The following THSD7A variants were observed in gnomAD, a reference collection of about 807,000 sequenced individuals.
THSD7A encodes the protein thrombospondin type 1 domain containing 7A, also known as thrombospondin type-1 domain-containing protein 7A.
Under a neutral mutation model 231.3 loss-of-function variants are expected in THSD7A, and 96 were observed. The ratio of observed to expected loss-of-function variants is 0.41; its 90% CI spans 0.35 to 0.49. THSD7A has a LOEUF of 0.49. Among genes scored for constraint, THSD7A ranks in the 20% least tolerant of loss-of-function variants. The pLI is 0.05. For missense variants in THSD7A, 2,290 were observed against 2,070.2 expected (o/e 1.11, Z -2.06); for synonymous variants, 940 against 743.3 (o/e 1.26, Z -4.30).
rs1583627274 is a variant in THSD7A, at chr7:11,375,719, A to G, written c.*75T>C. ...ATATATTTTAATCCACACAGTTTGG[A>G]TACATTTGTTGTGGCCTCTGGACAT... On this transcript the variant is annotated 3_prime_UTR_variant, in exon 28 of 28. Transcript: ENST00000423059. The G allele has an allele frequency of 8.5e-7, 1 of 1,176,496 alleles. No individual in the cohort carries two copies. Among genetic ancestry groups the G allele is most frequent in the East Asian group, 2.3e-5 (1 of 42,616 alleles). 72.9% of individuals were successfully genotyped at this position (1,176,496 alleles called of 1,614,324 possible). A position where few individuals can be genotyped will look rare whatever the true frequency, so the allele number is the denominator to read the frequency against.
intron 22 of THSD7A, among the ~76,000 whole-genome samples, chr7:11,405,728 T>G (rs893241689): frequency 7.9e-5 from 12 of 152,228 alleles, no homozygotes; most frequent in Non-Finnish European, 1.5e-4. Flanking sequence ...AATAATATCT[T>G]TCAATAGTTT....
intron 1 of THSD7A, among the ~76,000 whole-genome samples, chr7:11,662,398 T>C (rs1782960679): frequency 6.6e-6 from 1 of 151,330 alleles, no homozygotes; most frequent in South Asian, 2.1e-4. Context: ...ACATCTGATC[T>C]CAAACGTATT....
chr7:11,823,303 T>C (rs959431385), intron 1 of THSD7A, among the ~76,000 whole-genome samples: 2 of 152,134 alleles, frequency 1.3e-5, no homozygotes, highest in Non-Finnish European at 2.9e-5. Flanking sequence ...TTCTATTCCA[T>C]TGATCTATGC....
At chr7:11,511,464 C>T (rs1229629066) in intron 6 of THSD7A, among the ~76,000 whole-genome samples, 1 of 152,180 alleles carries the variant, frequency 6.6e-6, no homozygotes, top group Non-Finnish European at 1.5e-5. Flanking sequence ...AAAAAACAGC[C>T]CGCATTGCTA....
At position 11,683,934 on chromosome 7, in the gene THSD7A, A is replaced by C. The variant is rs145160973; in HGVS notation, c.191-46973T>G. Among the ~76,000 whole-genome samples, 141 of 152,086 alleles carry C rather than the reference A, an allele frequency of 9.3e-4. 1 individual carries two copies. The East Asian group carries it at 0.024, about 26-fold the overall frequency. ...GACACAATAACAACAACAACAACAA[A>C]AAACTACAGGCCAATATTCCTGATC... On this transcript the variant is annotated intron_variant, in intron 1 of 27. Transcript: ENST00000423059.
At chr7:11,579,966 T>C (rs1791085334) in intron 4 of THSD7A, among the ~76,000 whole-genome samples, 1 of 152,160 alleles carries the variant, frequency 6.6e-6, no homozygotes, top group Non-Finnish European at 1.5e-5. Context: ...GAGAAGCCCA[T>C]GAAGCTTAAG....
chr7:11,560,949 C>T (rs116086958), intron 4 of THSD7A, among the ~76,000 whole-genome samples: 1,636 of 152,260 alleles, frequency 0.011, 41 homozygotes, highest in African/African-American at 0.037. Context: ...CAGGAAATGT[C>T]ACACTGTTCC....
intron 4 of THSD7A, among the ~76,000 whole-genome samples, chr7:11,551,589 T>A (rs1322695782): frequency 6.6e-6 from 1 of 152,124 alleles, no homozygotes; most frequent in Admixed American, 6.5e-5. Flanking sequence ...AACAAACATA[T>A]GAAAAATTGC....
intron 4 of THSD7A, among the ~76,000 whole-genome samples, chr7:11,575,331 T>C (rs10236467): frequency 0.048 from 7,320 of 152,296 alleles, 274 homozygotes; most frequent in African/African-American, 0.1. Flanking sequence ...ATTTTTGCTA[T>C]GGGTTACAAG....
intron 1 of THSD7A, among the ~76,000 whole-genome samples, chr7:11,663,780 C>T (rs1783021947): frequency 6.6e-6 from 1 of 151,488 alleles, no homozygotes; most frequent in Admixed American, 6.6e-5. Context: ...AACTACTCAA[C>T]ATATATTGTT....
intron 4 of THSD7A, among the ~76,000 whole-genome samples, chr7:11,563,175 G>C (rs1306348048): frequency 6.8e-6 from 1 of 147,334 alleles, no homozygotes; most frequent in African/African-American, 2.5e-5. Flanking sequence ...TAATATAATG[G>C]TGACATAAAC....
intron 2 of THSD7A, among the ~76,000 whole-genome samples, chr7:11,604,833 G>C (rs1360748829): frequency 1.3e-5 from 2 of 152,120 alleles, no homozygotes; most frequent in African/African-American, 4.8e-5. Context: ...TGAGCAGACA[G>C]ATGCAGAAGT....
chr7:11,829,241 G>A (rs187161995), intron 1 of THSD7A, among the ~76,000 whole-genome samples: 223 of 152,110 alleles, frequency 1.5e-3, no homozygotes, highest in African/African-American at 5.3e-3. Context: ...TCTGTGCATT[G>A]TTCAAGGGTC....
At position 11,636,676 on chromosome 7, in the gene THSD7A, G is replaced by T; in HGVS notation, c.476C>A (p.Ala159Glu). The T allele has an allele frequency of 6.2e-7, 1 of 1,613,974 alleles. No homozygotes were observed. Residue 159 changes from alanine (A) to glutamate (E), a missense_variant, in exon 2 of 28, where the codon GCG (alanine) becomes GAG (glutamate). Ala to Glu is a moderately radical substitution (Grantham distance 107, BLOSUM62 -1). Transcript: ENST00000423059. This position sits in a 1 kb window ranked among gnomAD's most constrained non-coding sequence, Gnocchi z 10.0. ...AATGTCTTTGTCTTTCTGGATGCAC[G>T]CTATCTCCCTCACCTGAATACCTTC... Reference protein sequence around the residue: ...GEEGIQVREIACIQKDKDIPA... With the variant: ...GEEGIQVREIECIQKDKDIPA...
chr7:11,754,517 C>G (rs770881243), intron 1 of THSD7A, among the ~76,000 whole-genome samples: 5 of 152,054 alleles, frequency 3.3e-5, no homozygotes, highest in Non-Finnish European at 7.4e-5. Flanking sequence ...TAGCATGAAT[C>G]TTTCTTCTGC....
At chr7:11,788,609 T>C (rs763312852) in intron 1 of THSD7A, among the ~76,000 whole-genome samples, 18 of 152,092 alleles carry the variant, frequency 1.2e-4, no homozygotes, top group Non-Finnish European at 8.8e-5. Context: ...AGACATGCCC[T>C]TTTCTATACA....
rs59127235 is a variant in THSD7A at position 11,476,318 on chromosome 7, TACACACACACACAC to T, written c.2018-1764_2018-1751del. Among the ~76,000 whole-genome samples the T allele has an allele frequency of 2.3e-3, 310 of 137,390 alleles. 5 individuals are homozygous for T. In the East Asian group the frequency reaches 0.026, roughly 12 times the overall value. 90.1% of individuals were successfully genotyped at this position (137,390 alleles called of 152,430 possible). On this transcript the variant is annotated intron_variant, in intron 7 of 27. Transcript: ENST00000423059. ...AACCAGAAGTCAAGCCTCTGGAAGATACACACACACACACACACACACACACACACACACACACA... is the reference window on the plus strand; with the variant it reads ...AACCAGAAGTCAAGCCTCTGGAAGATACACACACACACACACACACACACA...
chr7:11,504,647 T>C (rs1280694411), intron 6 of THSD7A, among the ~76,000 whole-genome samples: 1 of 152,124 alleles, frequency 6.6e-6, no homozygotes, highest in African/African-American at 2.4e-5. Context: ...CTACATATAT[T>C]GTAACAAAAT....
chr7:11,598,446 G>T (rs1780442983), intron 2 of THSD7A, among the ~76,000 whole-genome samples: 1 of 152,128 alleles, frequency 6.6e-6, no homozygotes, highest in Non-Finnish European at 1.5e-5. Flanking sequence ...CGCCCAGTGG[G>T]CCCACGAACA....
Sources: gnomAD v4.1 joint callset for allele counts (sites outside exome capture counted in the v4.1 genomes callset) on GRCh38, gnomAD v4.1.1 for gene constraint, Gnocchi (gnomAD v3.1) non-coding constraint, MANE v1.5 for transcripts, NCBI Gene and HGNC (gene_info 2026-07-23, HGNC 2026-07-21) for gene names.